Variants in PARD3 observed in about 807,000 individuals in gnomAD.
PARD3 encodes par-3 family cell polarity regulator, also known as partitioning defective 3 homolog.
Under a neutral mutation model 155.4 loss-of-function variants are expected in PARD3, and 75 were observed. That is an observed-to-expected ratio of 0.48 (90% CI 0.40 to 0.58). PARD3 has a LOEUF of 0.58. PARD3 is among the 20% of genes least tolerant of loss of function. The probability of loss-of-function intolerance (pLI) is 0.00; values close to 1 mark genes in which losing one functional copy is unlikely to be tolerated. For missense variants in PARD3, 1,642 were observed against 1,721.7 expected, an observed-to-expected ratio of 0.95 and a Z score of 0.82; for synonymous variants, 576 against 610.5, an observed-to-expected ratio of 0.94 and a Z score of 0.83.
intron 22 of PARD3, among the ~76,000 whole-genome samples, chr10:34,261,559 C>T (rs572845985): frequency 1.9e-4 from 29 of 151,848 alleles, no homozygotes; most frequent in Middle Eastern, 3.4e-3. Flanking sequence ...CATGATGGCA[C>T]GTGCCTGTAA....
At chr10:34,346,860 G>A (rs1368876383) in intron 15 of PARD3, among the ~76,000 whole-genome samples, 1 of 152,218 alleles carries the variant, frequency 6.6e-6, no homozygotes, top group Non-Finnish European at 1.5e-5. Flanking sequence ...AAGCTAGAGA[G>A]ATTAGAGGAA....
intron 2 of PARD3, among the ~76,000 whole-genome samples, chr10:34,650,638 C>T (rs2092980870): frequency 6.6e-6 from 1 of 152,102 alleles, no homozygotes; most frequent in Admixed American, 6.6e-5. Context: ...AATCAATTCA[C>T]ACATGAAGGT....
chr10:34,331,939 G>T (rs759766026), intron 18 of PARD3, among the ~76,000 whole-genome samples: 1 of 151,968 alleles, frequency 6.6e-6, no homozygotes, highest in Non-Finnish European at 1.5e-5. Flanking sequence ...CCCAACCCTG[G>T]GAAATATGGA....
chr10:34,788,261 G>A (rs189430009), intron 1 of PARD3, among the ~76,000 whole-genome samples: 1 of 152,100 alleles, frequency 6.6e-6, no homozygotes, highest in East Asian at 1.9e-4. Flanking sequence ...ATTTTCTACA[G>A]AACCCCAGTT....
At chr10:34,498,041 ATTATT>A (rs1329544288) in intron 3 of PARD3, among the ~76,000 whole-genome samples, 8 of 152,204 alleles carry the variant, frequency 5.3e-5, no homozygotes, top group African/African-American at 1.9e-4. Flanking sequence ...AACTTCTTAT[ATTATT>A]TTGATTTCCA....
At chr10:34,360,333 A>C in intron 12 of PARD3, 74 bp from the exon 13 acceptor site, 7 of 1,081,098 alleles carry the variant, frequency 6.5e-6, no homozygotes, top group South Asian at 1.4e-5. Context: ...AAAGACTGCT[A>C]ATGAGCAGTT....
At position 34,513,730 on chromosome 10, in the gene PARD3, T is replaced by G. The variant is rs188943905; in HGVS notation, c.403+3249A>C. Among the ~76,000 whole-genome samples, 848 of 152,366 alleles carry G rather than the reference T, an allele frequency of 5.6e-3. 3 individuals are homozygous for G. Among genetic ancestry groups the G allele is most frequent in the Non-Finnish European group, 8.7e-3 (594 of 68,030 alleles). ...CTCAAGTTTTAAGTTAACTGCTATT[T>G]TGACTATACAAACAATGATGTATTT... On this transcript the variant is annotated intron_variant, in intron 3 of 24. Transcript: ENST00000374788.
intron 2 of PARD3, among the ~76,000 whole-genome samples, chr10:34,584,310 T>A (rs1247863147): frequency 2.0e-5 from 3 of 152,188 alleles, no homozygotes; most frequent in African/African-American, 7.2e-5. Context: ...AATGCTAAAG[T>A]CTTTCTAGTG....
intron 1 of PARD3, among the ~76,000 whole-genome samples, chr10:34,720,353 A>G (rs2094584489): frequency 6.9e-6 from 1 of 145,364 alleles, no homozygotes; most frequent in Non-Finnish European, 1.5e-5. Context: ...TGATTCTCTG[A>G]GGCAGAAGAA....
At chr10:34,667,891 C>T (rs904576184) in intron 2 of PARD3, among the ~76,000 whole-genome samples, 2 of 152,174 alleles carry the variant, frequency 1.3e-5, no homozygotes, top group Non-Finnish European at 2.9e-5. Context: ...AAGGAGAAAC[C>T]ATCTGCTGCT....
chr10:34,523,389 T>C (rs574633652), intron 2 of PARD3, among the ~76,000 whole-genome samples: 1 of 152,326 alleles, frequency 6.6e-6, no homozygotes, highest in South Asian at 2.1e-4. Context: ...GGACACTCAA[T>C]GTCAATATAT....
chr10:34,605,049 T>C (rs2090112210), intron 2 of PARD3, among the ~76,000 whole-genome samples: 1 of 152,100 alleles, frequency 6.6e-6, no homozygotes, highest in African/African-American at 2.4e-5. Flanking sequence ...CTGGTGATTA[T>C]TATTATATGT....
intron 22 of PARD3, among the ~76,000 whole-genome samples, chr10:34,254,272 AGG>A (rs910961847): frequency 6.6e-6 from 1 of 152,022 alleles, no homozygotes; most frequent in African/African-American, 2.4e-5. Context: ...CCAGCTACTC[AGG>A]AGGCTGAGGC....
At chr10:34,754,893 G>C (rs1214968686) in intron 1 of PARD3, among the ~76,000 whole-genome samples, 2 of 152,210 alleles carry the variant, frequency 1.3e-5, no homozygotes, top group Admixed American at 6.5e-5. Context: ...TGTCAACAGT[G>C]ATGAGAACAT....
At chr10:34,727,953 G>A (rs898811161) in intron 1 of PARD3, among the ~76,000 whole-genome samples, 2 of 151,466 alleles carry the variant, frequency 1.3e-5, no homozygotes, top group Non-Finnish European at 2.9e-5. Flanking sequence ...CACATACTGG[G>A]CACAGGCCTT....
intron 3 of PARD3, among the ~76,000 whole-genome samples, chr10:34,514,135 T>A (rs1305640351): frequency 1.3e-5 from 2 of 152,134 alleles, no homozygotes. Flanking sequence ...TGGAAAAAAA[T>A]ACATACTCTA....
At chr10:34,811,422 G>C (rs950469625) in intron 1 of PARD3, among the ~76,000 whole-genome samples, 2 of 152,094 alleles carry the variant, frequency 1.3e-5, no homozygotes, top group Non-Finnish European at 2.9e-5. Flanking sequence ...GCAGACCTCA[G>C]ACCCAGAGCC....
At chr10:34,343,775 G>A in intron 15 of PARD3, 2 of 984,676 alleles carry the variant, frequency 2.0e-6, no homozygotes, top group Non-Finnish European at 2.4e-6. Flanking sequence ...ATTTCTGATA[G>A]GTAAACTTTC....
intron 2 of PARD3, among the ~76,000 whole-genome samples, chr10:34,625,728 C>CA (rs2091949193): frequency 2.0e-5 from 3 of 152,096 alleles, no homozygotes; most frequent in Admixed American, 6.5e-5. Context: ...GCCTGACTAA[C>CA]ATGGAGAAAC....
Sources: allele counts gnomAD v4.1 joint callset (sites outside exome capture counted in the v4.1 genomes callset), GRCh38; gene constraint gnomAD v4.1.1; transcripts MANE v1.5; gene names NCBI Gene and HGNC (gene_info 2026-07-23, HGNC 2026-07-21).